Variants in MICAL2 observed in about 807,000 individuals in gnomAD.
MICAL2 encodes [F-actin]-monooxygenase MICAL2.
In MICAL2, 77 loss-of-function variants were observed where a neutral mutation model predicts 127.3. The observed-to-expected ratio is 0.60, with a 90% CI of 0.50 to 0.73. MICAL2 has a LOEUF of 0.73. Ranked by LOEUF, MICAL2 falls within the 30% of genes least tolerant of loss-of-function variation. MICAL2 has a pLI of 0.00. For missense variants in MICAL2, 1,351 were observed against 1,434.4 expected (o/e 0.94, Z 0.94); for synonymous variants, 570 against 551.1 (o/e 1.03, Z -0.48).
At chr11:12,312,479 G>T (rs181885853) in intron 29 of MICAL2, among the ~76,000 whole-genome samples, 2 of 151,144 alleles carry the variant, frequency 1.3e-5, no homozygotes, top group Non-Finnish European at 2.9e-5. Context: ...TTTTTTCTTC[G>T]ATCCACAGCG....
intron 21 of MICAL2, among the ~76,000 whole-genome samples, chr11:12,244,744 G>A (rs114418822): frequency 2.6e-5 from 4 of 152,154 alleles, no homozygotes; most frequent in South Asian, 2.1e-4. Context: ...CTGTGCAAAG[G>A]CAGGCAGGCA....
At chr11:12,335,362 C>T (rs1938729549) in intron 32 of MICAL2, among the ~76,000 whole-genome samples, 1 of 150,774 alleles carries the variant, frequency 6.6e-6, no homozygotes, top group African/African-American at 2.4e-5. Context: ...AGCCCTTTGT[C>T]AGATGAGTAG....
At chr11:12,194,754 A>G (rs975586271) in intron 3 of MICAL2, among the ~76,000 whole-genome samples, 1 of 152,184 alleles carries the variant, frequency 6.6e-6, no homozygotes, top group Non-Finnish European at 1.5e-5. Flanking sequence ...CTATTAAAAG[A>G]AAACACCAGG....
intron 2 of MICAL2, among the ~76,000 whole-genome samples, chr11:12,150,900 A>G (rs1371041503): frequency 6.6e-6 from 1 of 152,202 alleles, no homozygotes; most frequent in Non-Finnish European, 1.5e-5. Context: ...TGGGCTACCT[A>G]GAGCTTGAGG....
At chr11:12,213,875 C>T (rs1855823863) in intron 7 of MICAL2, among the ~76,000 whole-genome samples, 1 of 152,192 alleles carries the variant, frequency 6.6e-6, no homozygotes, top group Non-Finnish European at 1.5e-5. Context: ...TGCAATACAG[C>T]ACTGCCCTTC....
chr11:12,262,587 C>T (rs369403387), intron 27 of MICAL2, 50 bp downstream of exon 27: 67 of 1,474,340 alleles, frequency 4.5e-5, no homozygotes, highest in Middle Eastern at 1.7e-4. Flanking sequence ...ACCCCCAACC[C>T]GCTTTCCGCA....
At chr11:12,336,951 G>A (rs1257435363) in intron 32 of MICAL2, among the ~76,000 whole-genome samples, 2 of 152,130 alleles carry the variant, frequency 1.3e-5, no homozygotes, top group Non-Finnish European at 2.9e-5. Flanking sequence ...TTGGTATCAG[G>A]ATGATGCTGG....
intron 15 of MICAL2, among the ~76,000 whole-genome samples, chr11:12,234,091 A>G (rs1858693053): frequency 6.6e-6 from 1 of 152,052 alleles, no homozygotes; most frequent in South Asian, 2.1e-4. Flanking sequence ...CATGTCCTTT[A>G]TTCCCCCTGA....
In MICAL2 at chr11:12,162,340, C is replaced by T. The variant is rs1355900069; in HGVS notation, c.185C>T (p.Ala62Val). Reference sequence around the variant, plus strand: ...AAGTCCAAGGTGACCACCTGGAAAGCCAAAGCCCTGTGGTACAAATTGGAT... The same window carrying T: ...AAGTCCAAGGTGACCACCTGGAAAGTCAAAGCCCTGTGGTACAAATTGGAT... ...KLKSKVTTWK[A>V]KALWYKLDKR... The change falls in exon 3 of 28, where the codon GCC becomes GTC. Residue 62 changes from alanine to valine, a missense_variant. This residue lies in a region of MICAL2 where 599 missense variants were observed against 714.9 expected (regional missense o/e 0.84). Coordinates refer to ENST00000683283, the MANE Select transcript of MICAL2 (RefSeq NM_001282663.2). 1 of 1,614,254 alleles carries T rather than the reference C, an allele frequency of 6.2e-7. No individual in the cohort carries two copies. The highest frequency in any genetic ancestry group is 1.1e-5 in the South Asian group (1 of 91,084).
rs1360319127 is a variant in MICAL2 at position 12,241,091 on chromosome 11, C to G, written c.2266C>G (p.Pro756Ala). 7 of 1,614,186 alleles carry G rather than the reference C, an allele frequency of 4.3e-6. No individual in the cohort carries two copies. Among genetic ancestry groups the G allele is most frequent in the Non-Finnish European group, 5.9e-6 (7 of 1,180,044 alleles). Residue 756 changes from proline to alanine, a missense_variant, in exon 18 of 28, where the codon CCT becomes GCT. Pro to Ala is a conservative substitution (Grantham distance 27). Around this residue, in one of 2 missense-constraint regions of MICAL2, gnomAD observed 752 missense variants for 719.4 expected, o/e 1.05. Coordinates refer to ENST00000683283, the MANE Select transcript of MICAL2 (RefSeq NM_001282663.2). ...GKPVLCSSSG[P>A]PVHSCCPKPE... ...GCCGGTCCTGTGCTCTTCCTCCGGC[C>G]CTCCTGTTCACTCTTGCTGCCCCAA...
intron 2 of MICAL2, among the ~76,000 whole-genome samples, chr11:12,154,769 T>G (rs1335249464): frequency 1.3e-5 from 2 of 152,226 alleles, no homozygotes; most frequent in African/African-American, 4.8e-5. Flanking sequence ...ATGCCTCATT[T>G]GATACTTGTA....
At chr11:12,358,116 G>A (rs748961137) in intron 34 of MICAL2, among the ~76,000 whole-genome samples, 8 of 152,052 alleles carry the variant, frequency 5.3e-5, no homozygotes, top group Non-Finnish European at 1.0e-4. Flanking sequence ...CTGTTTCACC[G>A]CACACACCTT....
intron 3 of MICAL2, among the ~76,000 whole-genome samples, chr11:12,189,483 G>A (rs1858784624): frequency 6.6e-6 from 1 of 152,158 alleles, no homozygotes; most frequent in South Asian, 2.1e-4. Context: ...TGGTACATGG[G>A]TAGGATCAGG....
At chr11:12,339,052 T>A (rs1245893358) in intron 32 of MICAL2, among the ~76,000 whole-genome samples, 1 of 152,242 alleles carries the variant, frequency 6.6e-6, no homozygotes, top group African/African-American at 2.4e-5. Context: ...CAGAGTGTTT[T>A]CCAACTTGAT....
intron 1 of MICAL2, among the ~76,000 whole-genome samples, chr11:12,111,954 C>T (rs11022179): frequency 0.015 from 2,343 of 152,326 alleles, 52 homozygotes; most frequent in African/African-American, 0.053. Context: ...TTTCTTCATG[C>T]AGAGAGAAGA....
intron 3 of MICAL2, among the ~76,000 whole-genome samples, chr11:12,180,122 C>T (rs1428042090): frequency 6.6e-6 from 1 of 152,120 alleles, no homozygotes; most frequent in Non-Finnish European, 1.5e-5. Context: ...TTCAGGGCCA[C>T]TAGAGGCCTT....
intron 29 of MICAL2, chr11:12,319,628 A>C (rs1864269317): frequency 3.5e-6 from 4 of 1,138,390 alleles, no homozygotes; most frequent in Admixed American, 3.4e-5. Flanking sequence ...AGGAGGAAGC[A>C]GCAGCTTTGG....
intron 3 of MICAL2, among the ~76,000 whole-genome samples, chr11:12,198,365 A>C (rs1031497731): frequency 6.6e-6 from 1 of 152,224 alleles, no homozygotes; most frequent in East Asian, 1.9e-4. Flanking sequence ...CCCATCTCTC[A>C]TGAGTAAACC....
chr11:12,217,465 C>G (rs1856320573), intron 8 of MICAL2, among the ~76,000 whole-genome samples: 1 of 152,138 alleles, frequency 6.6e-6, no homozygotes, highest in Admixed American at 6.5e-5. Context: ...TGGGCTTCAG[C>G]AGTGTCCCAC....
Sources: gnomAD v4.1 joint callset for allele counts (sites outside exome capture counted in the v4.1 genomes callset) on GRCh38, gnomAD v4.1.1 for gene constraint, gnomAD v4.1.1 regional missense constraint, MANE v1.5 for transcripts, NCBI Gene and HGNC (gene_info 2026-07-23, HGNC 2026-07-21) for gene names.